RHOBTB2: variants seen among roughly 807,000 people sequenced by gnomAD.
RHOBTB2 encodes rho-related BTB domain-containing protein 2.
A neutral mutation model predicts 66.5 loss-of-function variants in RHOBTB2; 39 were observed. The observed-to-expected ratio is 0.59, with a 90% CI of 0.45 to 0.77. The LOEUF (loss-of-function observed/expected upper bound fraction) is 0.77. Ranked by LOEUF, RHOBTB2 falls within the 30% of genes least tolerant of loss-of-function variation. The pLI, the probability that RHOBTB2 is intolerant of heterozygous loss-of-function variation, is 0.00. For missense variants in RHOBTB2, 755 were observed against 999.1 expected, an observed-to-expected ratio of 0.76 and a Z score of 3.29; for synonymous variants, 390 against 395.0, an observed-to-expected ratio of 0.99 and a Z score of 0.15.
chr8:23,002,958 T>C (rs1810830191), intron 1 of RHOBTB2, among the ~76,000 whole-genome samples: 1 of 152,240 alleles, frequency 6.6e-6, no homozygotes, highest in South Asian at 2.1e-4. Context: ...CCCTGCATGC[T>C]GGCATCCAGT....
chr8:23,005,301 T>C (rs1223080524), intron 2 of RHOBTB2, 71 bp from the exon 3 acceptor site: 2 of 1,167,094 alleles, frequency 1.7e-6, no homozygotes, highest in African/African-American at 3.0e-5. Context: ...AGCCGGCGCT[T>C]ATCCTGAGGT....
the RHOBTB2 span, among the ~76,000 whole-genome samples, chr8:22,978,356 G>A: frequency 5.7e-4 from 87 of 151,530 alleles, no homozygotes; most frequent in Non-Finnish European, 9.4e-4. Flanking sequence ...GCGTGTTGGC[G>A]GGTGCCTGTA....
At chr8:22,966,683 T>C in the RHOBTB2 span, among the ~76,000 whole-genome samples, 1 of 152,094 alleles carries the variant, frequency 6.6e-6, no homozygotes, top group Non-Finnish European at 1.5e-5. Context: ...TTATTAATCA[T>C]TAAGGAAATG....
chr8:23,005,144 G>A (rs561373420), intron 2 of RHOBTB2, among the ~76,000 whole-genome samples: 42 of 152,196 alleles, frequency 2.8e-4, no homozygotes, highest in African/African-American at 9.6e-4. Context: ...CCTGCTTAGG[G>A]TCTCTTCCAC....
chr8:22,992,553 G>C (rs1456646783), intron 2 of RHOBTB2, among the ~76,000 whole-genome samples: 1 of 152,134 alleles, frequency 6.6e-6, no homozygotes, highest in African/African-American at 2.4e-5. Context: ...TACCCTCTCT[G>C]CCTAGAAAAC....
At chr8:22,979,742 C>CTTTTTT in the RHOBTB2 span, among the ~76,000 whole-genome samples, 6 of 84,090 alleles carry the variant, frequency 7.1e-5, no homozygotes, top group Non-Finnish European at 9.5e-5. Flanking sequence ...TCTTTTCTTT[C>CTTTTTT]TTTTTTTTTT....
At chr8:22,960,001 TAAAA>T in the RHOBTB2 span, among the ~76,000 whole-genome samples, 5 of 104,778 alleles carry the variant, frequency 4.8e-5, no homozygotes, top group African/African-American at 2.0e-4. Context: ...CCATCTCTAC[TAAAA>T]AAAAAAAAAA....
chr8:22,981,481 C>T, the RHOBTB2 span, among the ~76,000 whole-genome samples: 1 of 152,238 alleles, frequency 6.6e-6, no homozygotes, highest in African/African-American at 2.4e-5. Context: ...GGGCAGGCCC[C>T]TCTAGACTGT....
upstream of RHOBTB2, chr8:22,984,493 A>T (rs1810259235): frequency 1.3e-5 from 2 of 152,252 alleles, no homozygotes; most frequent in African/African-American, 4.8e-5. Context: ...TATGTTGGTG[A>T]CTATAGCAGA....
At chr8:23,013,713 C>T (rs1811212483) in intron 7 of RHOBTB2, among the ~76,000 whole-genome samples, 1 of 152,094 alleles carries the variant, frequency 6.6e-6, no homozygotes, top group South Asian at 2.1e-4. Context: ...CCAGGCTGGT[C>T]TTGAACTCCT....
chr8:22,983,343 A>C (rs562301062), upstream of RHOBTB2, among the ~76,000 whole-genome samples: 6 of 151,596 alleles, frequency 4.0e-5, no homozygotes, highest in Non-Finnish European at 5.9e-5. Context: ...AGTTAAAAAA[A>C]AAAAAAACAA....
At chr8:23,008,972 C>T (rs1028816939) in intron 6 of RHOBTB2, among the ~76,000 whole-genome samples, 5 of 151,998 alleles carry the variant, frequency 3.3e-5, no homozygotes, top group African/African-American at 1.2e-4. Context: ...ACTTGGCCAG[C>T]CCTGAGGGAG....
At chr8:22,975,632 T>C in the RHOBTB2 span, among the ~76,000 whole-genome samples, 3 of 152,116 alleles carry the variant, frequency 2.0e-5, no homozygotes, top group Non-Finnish European at 4.4e-5. Context: ...GGCAGAAACT[T>C]CTAGGTACAC....
In RHOBTB2 at chr8:23,017,828, A is replaced by C. The variant is rs1811341125; in HGVS notation, c.*359A>C. ...GTCTTGGTTGCTGCTCTGGCCAGGG[A>C]GGCAGCCCCACTCCCAGCAAGCAGA... On this transcript the variant is annotated 3_prime_UTR_variant, in exon 10 of 10. Transcript: ENST00000251822. The surrounding 1 kb of genome is among the most constrained non-coding windows in gnomAD (Gnocchi z 5.3). 1.2e-5 allele frequency: 3 copies of C among 248,176 alleles called. No individual in the cohort carries two copies. Among genetic ancestry groups the C allele is most frequent in the Admixed American group, 4.8e-5 (1 of 20,800 alleles). 15.4% of individuals were successfully genotyped at this position (248,176 alleles called of 1,614,324 possible). A position where few individuals can be genotyped will look rare whatever the true frequency, so the allele number is the denominator to read the frequency against.
intron 7 of RHOBTB2, among the ~76,000 whole-genome samples, chr8:23,012,690 T>C (rs1049615350): frequency 6.6e-6 from 1 of 152,214 alleles, no homozygotes; most frequent in African/African-American, 2.4e-5. Context: ...CTGATCATAG[T>C]TCACTGCAGC....
In RHOBTB2 at chr8:23,017,729, T is replaced by A; in HGVS notation, c.*260T>A. 1.9e-6 allele frequency: 1 copy of A among 516,272 alleles called. No individual in the cohort carries two copies. Among genetic ancestry groups the A allele is most frequent in the East Asian group, 3.3e-5 (1 of 30,258 alleles). The allele number at this position is 516,272 out of a possible 1,614,324, so 32.0% of individuals were successfully genotyped here. ...AACTGCTTGGAGGAGCGAAGAGCCC[T>A]GGCATTTTATCTCTGGGTTTGAGAG... On this transcript the variant is annotated 3_prime_UTR_variant, in exon 10 of 10. Coordinates refer to ENST00000251822, the MANE Select transcript of RHOBTB2 (RefSeq NM_015178.3). This position sits in a 1 kb window ranked among gnomAD's most constrained non-coding sequence, Gnocchi z 5.3.
At chr8:22,990,350 C>T (rs767655769) in intron 1 of RHOBTB2, among the ~76,000 whole-genome samples, 5 of 152,204 alleles carry the variant, frequency 3.3e-5, no homozygotes, top group African/African-American at 4.8e-5. Flanking sequence ...CTTCGCCCTC[C>T]ACACCCCCAG....
In RHOBTB2 at chr8:23,004,643, A is replaced by G. The variant is rs1256675101; in HGVS notation, c.192+17A>G. 5 of 1,604,236 alleles carry G rather than the reference A, an allele frequency of 3.1e-6. No individual in the cohort carries two copies. The highest frequency in any genetic ancestry group is 3.4e-6 in the Non-Finnish European group (4 of 1,175,672). On this transcript the variant is annotated intron_variant, in intron 2 of 9. Coordinates refer to ENST00000251822, the MANE Select transcript of RHOBTB2 (RefSeq NM_015178.3). This position sits in a 1 kb window ranked among gnomAD's most constrained non-coding sequence, Gnocchi z 6.4. Reference sequence around the variant, plus strand: ...TGCCAGGAGGTAAGGCTGCAGGACTACCTGGCTGGGGGTCCACGCCATGAG... The same window carrying G: ...TGCCAGGAGGTAAGGCTGCAGGACTGCCTGGCTGGGGGTCCACGCCATGAG...
At chr8:22,997,184 G>A (rs544961102), upstream of RHOBTB2, among the ~76,000 whole-genome samples, 9 of 152,272 alleles carry the variant, frequency 5.9e-5, no homozygotes, top group South Asian at 2.1e-4. Context: ...TGGATGGGGC[G>A]GCTTGACAGT....
Sources: allele counts gnomAD v4.1 joint callset (sites outside exome capture counted in the v4.1 genomes callset), GRCh38; gene constraint gnomAD v4.1.1; non-coding constraint Gnocchi (gnomAD v3.1); transcripts MANE v1.5; gene names NCBI Gene and HGNC (gene_info 2026-07-23, HGNC 2026-07-21).